The following ICE2 variants were observed in gnomAD, a reference collection of about 807,000 sequenced individuals.
ICE2 encodes the protein little elongation complex subunit 2.
ICE2 carries 87 observed loss-of-function variants against 105.4 expected under a neutral mutation model. The ratio of observed to expected loss-of-function variants is 0.83; its 90% CI spans 0.69 to 0.99. ICE2 has a LOEUF of 0.99. Among genes scored for constraint, ICE2 ranks in the 50% least tolerant of loss-of-function variants. The pLI is 0.00. For synonymous variants in ICE2, 399 were observed against 392.0 expected (o/e 1.02, Z -0.21); for missense variants, 1,323 against 1,146.7 (o/e 1.15, Z -2.22).
intron 11 of ICE2, among the ~76,000 whole-genome samples, chr15:60,444,950 G>C (rs550399476): frequency 6.6e-6 from 1 of 152,306 alleles, no homozygotes; most frequent in African/African-American, 2.4e-5. Context: ...CTCCAAAAGA[G>C]TTGGGATTAC....
At chr15:60,456,612 A>G in intron 6 of ICE2, 45 bp downstream of exon 6, 1 of 1,146,804 alleles carries the variant, frequency 8.7e-7, no homozygotes, top group Non-Finnish European at 1.2e-6. Flanking sequence ...CACACACACT[A>G]TTTCAGACAA....
intron 15 of ICE2, among the ~76,000 whole-genome samples, chr15:60,424,852 T>A (rs1040400838): frequency 1.3e-5 from 2 of 152,254 alleles, no homozygotes; most frequent in Non-Finnish European, 2.9e-5. Context: ...GTAGTCATGT[T>A]AAAGATGTGA....
rs1434272667 is a variant in ICE2 at position 60,449,522 on chromosome 15, T to C, written c.1445A>G (p.Lys482Arg). 1.9e-6 allele frequency: 3 copies of C among 1,614,196 alleles called. No homozygotes were observed. The highest frequency in any genetic ancestry group is 1.3e-5 in the African/African-American group (1 of 75,058). ...TGMDGGPEEC[K>R]NKDDQGFESC... is the part of the protein sequence containing the mutation. ...TTCAAATCCCTGATCATCTTTATTT[T>C]TGCATTCCTCAGGGCCACCATCCAT... The change falls in exon 10 of 16, where the codon AAA becomes AGA. Residue 482 changes from lysine (K) to arginine (R), a missense_variant. Coordinates refer to ENST00000261520, the MANE Select transcript of ICE2 (RefSeq NM_024611.6).
In ICE2 at chr15:60,479,122, G is replaced by A. The variant is rs528535655; in HGVS notation, c.-212C>T. 21 of 420,104 alleles carry A rather than the reference G, an allele frequency of 5.0e-5. No homozygotes were observed. The highest frequency in any genetic ancestry group is 8.4e-5 in the Non-Finnish European group (17 of 201,870). 26.0% of individuals were successfully genotyped at this position (420,104 alleles called of 1,614,324 possible). A position where few individuals can be genotyped will look rare whatever the true frequency, so the allele number is the denominator to read the frequency against. ...CATATTTAAAGGATGTGGCCGCGCCGACTCGGCCCTGCGTGATGACGTCTC... is the reference window on the plus strand; with the variant it reads ...CATATTTAAAGGATGTGGCCGCGCCAACTCGGCCCTGCGTGATGACGTCTC... On this transcript the variant is annotated 5_prime_UTR_variant, in exon 1 of 16. Coordinates refer to ENST00000261520, the MANE Select transcript of ICE2 (RefSeq NM_024611.6).
chr15:60,438,949 T>C (rs1398203738), intron 12 of ICE2: 1 of 152,232 alleles, frequency 6.6e-6, no homozygotes, highest in African/African-American at 2.4e-5. Context: ...AAAGCACTGA[T>C]TTATAGAGGA....
At position 60,420,279 on chromosome 15, in the gene ICE2, T is replaced by C; in HGVS notation, c.*3355A>G. 1 of 152,142 alleles carries C rather than the reference T, an allele frequency of 6.6e-6. No individual in the cohort carries two copies. The highest frequency in any genetic ancestry group is 1.5e-5 in the Non-Finnish European group (1 of 68,034). The allele number at this position is 152,142 out of a possible 1,614,324, so 9.4% of individuals were successfully genotyped here. ...ACCCAGAAGCCATACTTTACTCTCC[T>C]TACCAACAACAAAACTGAGTTGTCA... On this transcript the variant is annotated 3_prime_UTR_variant, in exon 16 of 16. Transcript: ENST00000261520.
chr15:60,467,925 C>T (rs963944236), intron 4 of ICE2, 136 bp downstream of exon 4: 1 of 734,758 alleles, frequency 1.4e-6, no homozygotes, highest in East Asian at 2.9e-5. Context: ...ATTAAAGCAC[C>T]ATTGCTCTCT....
chr15:60,450,215 A>G (rs1009582532), intron 9 of ICE2, among the ~76,000 whole-genome samples: 1 of 152,226 alleles, frequency 6.6e-6, no homozygotes, highest in Admixed American at 6.5e-5. Flanking sequence ...AGGCTCCTGC[A>G]GAGACACTTG....
intron 11 of ICE2, among the ~76,000 whole-genome samples, chr15:60,446,795 C>A (rs1205403058): frequency 1.3e-5 from 2 of 152,124 alleles, no homozygotes; most frequent in Non-Finnish European, 2.9e-5. Flanking sequence ...CCTCAAAACA[C>A]AGACATTCAA....
intron 12 of ICE2, chr15:60,439,039 C>T (rs1194128518): frequency 6.6e-6 from 1 of 152,180 alleles, no homozygotes; most frequent in Non-Finnish European, 1.5e-5. Context: ...TAAACATATA[C>T]ATGCATACAT....
At position 60,466,043 on chromosome 15, in the gene ICE2, C is replaced by T. The variant is rs112104064; in HGVS notation, c.528+551G>A. Among the ~76,000 whole-genome samples the T allele has an allele frequency of 5.3e-3, 811 of 152,198 alleles. 3 individuals are homozygous for T. Among genetic ancestry groups the T allele is most frequent in the Non-Finnish European group, 8.8e-3 (599 of 68,020 alleles). On this transcript the variant is annotated intron_variant, in intron 5 of 15. Transcript: ENST00000261520. ...CTGGGATTAGAGGTGTGAGCCACCA[C>T]GCCTGGCCTGTTTAAGTAGTATACT...
In ICE2 at chr15:60,448,084, T is replaced by C. The variant is rs2141057495; in HGVS notation, c.2181A>G (p.Glu727=). 9 of 1,613,546 alleles carry C rather than the reference T, an allele frequency of 5.6e-6. No individual in the cohort carries two copies. The highest frequency in any genetic ancestry group is 6.8e-6 in the Non-Finnish European group (8 of 1,179,506). ...TAAATAACTTATAAACAAAATTTCC[T>C]TCCTGAGGAGCTAGGTATTCCGATG... The part of the protein sequence containing the change: ...EDTSEYLAPQ[E]GNFVYKLFSL... Residue 727 remains glutamate (E), a synonymous_variant, in exon 11 of 16, where the codon GAA becomes GAG. Coordinates refer to ENST00000261520, the MANE Select transcript of ICE2 (RefSeq NM_024611.6).
intron 2 of ICE2, 75 bp downstream of exon 2, chr15:60,477,862 A>G (rs2064809360): frequency 2.3e-6 from 3 of 1,286,890 alleles, no homozygotes; most frequent in East Asian, 2.3e-5. Context: ...TCTATGCCAG[A>G]AATCTATTTT....
chr15:60,432,092 C>A, intron 13 of ICE2, 108 bp from the exon 14 acceptor site: 1 of 508,974 alleles, frequency 2.0e-6, no homozygotes, highest in Non-Finnish European at 3.5e-6. Context: ...ACAAAAACAG[C>A]GGATGAGATA....
chr15:60,430,029 A>T (rs1242427183), intron 14 of ICE2, among the ~76,000 whole-genome samples: 1 of 152,220 alleles, frequency 6.6e-6, no homozygotes, highest in Non-Finnish European at 1.5e-5. Flanking sequence ...GTGGCCTCCT[A>T]GAAATGTTTA....
intron 11 of ICE2, among the ~76,000 whole-genome samples, chr15:60,446,198 G>A (rs1757856959): frequency 1.3e-5 from 2 of 152,114 alleles, no homozygotes; most frequent in African/African-American, 4.8e-5. Flanking sequence ...ATGTGAATTA[G>A]AAGTTTAAGA....
Position 60,453,605 on chromosome 15 carries a change from C to G in ICE2, c.1123G>C (p.Asp375His), listed in dbSNP as rs2064020807. Residue 375 changes from aspartate (D) to histidine (H), a missense_variant and splice_region_variant, in exon 9 of 16, where the codon GAC (aspartate) becomes CAC (histidine). Physicochemically the swap from Asp to His is moderately conservative, Grantham distance 81. Transcript: ENST00000261520. ...GGGAAAAAAAAAGCATTACATACGT[C>G]CATTTCAGATATAAACTCTTCAGGT... Reference protein sequence around the residue: ...DKPEEFISEMDMSCEVNECRK... With the variant: ...DKPEEFISEMHMSCEVNECRK... 1.2e-6 allele frequency: 2 copies of G among 1,612,844 alleles called. No homozygotes were observed. Among genetic ancestry groups the G allele is most frequent in the African/African-American group, 2.7e-5 (2 of 74,858 alleles).
chr15:60,425,124 G>A (rs1434000897), intron 15 of ICE2, among the ~76,000 whole-genome samples: 1 of 152,164 alleles, frequency 6.6e-6, no homozygotes, highest in African/African-American at 2.4e-5. Context: ...CAGACTCACT[G>A]AAAAAGCTCG....
At chr15:60,462,711 C>T (rs1182946036) in intron 5 of ICE2, among the ~76,000 whole-genome samples, 1 of 152,124 alleles carries the variant, frequency 6.6e-6, no homozygotes, top group African/African-American at 2.4e-5. Flanking sequence ...AACATGCGCT[C>T]TCTCTGGCTC....
Sources: gnomAD v4.1 joint callset for allele counts (sites outside exome capture counted in the v4.1 genomes callset) on GRCh38, gnomAD v4.1.1 for gene constraint, MANE v1.5 for transcripts, NCBI Gene and HGNC (gene_info 2026-07-23, HGNC 2026-07-21) for gene names.